ADCK5: variants seen among roughly 807,000 people sequenced by gnomAD.
ADCK5 encodes aarF domain containing kinase 5.
In ADCK5, 43 loss-of-function variants were observed where a neutral mutation model predicts 64.9. The observed-to-expected ratio is 0.66, with a 90% CI of 0.52 to 0.85. The LOEUF is 0.85. Among genes scored for constraint, ADCK5 ranks in the 40% least tolerant of loss-of-function variants. The probability of loss-of-function intolerance (pLI) is 0.00; values close to 1 mark genes in which losing one functional copy is unlikely to be tolerated. For synonymous variants in ADCK5, 434 were observed against 342.8 expected (o/e 1.27, Z -2.94); for missense variants, 760 against 810.5 (o/e 0.94, Z 0.76).
chr8:144,391,480 G>A lies in ADCK5; in HGVS notation c.798+6G>A, dbSNP rs1554860572. ...GCTTCAGCTGGGTCCTCCAGGTACA[G>A]CCCCACCCCTTCCCCGGCCAGCAGG... On this transcript the variant is annotated splice_donor_region_variant and intron_variant, in intron 7 of 14. Coordinates refer to ENST00000308860, the MANE Select transcript of ADCK5 (RefSeq NM_174922.5). The A allele has an allele frequency of 1.2e-6, 2 of 1,608,308 alleles. No homozygotes were observed. The highest frequency in any genetic ancestry group is 8.5e-7 in the Non-Finnish European group (1 of 1,178,422).
Position 144,391,156 on chromosome 8 carries a change from ACTTCCAGGCCCTCCCCCACGAGCT to A in ADCK5, c.575_598del (p.Ala192_Gln199del). The A allele has an allele frequency of 6.2e-7, 1 of 1,611,064 alleles. No individual in the cohort carries two copies. The highest frequency in any genetic ancestry group is 8.5e-7 in the Non-Finnish European group (1 of 1,179,866). ...CAGGTGGATGAGTTGTTCCTTGAGG[ACTTCCAGGCCCTCCCCCACGAGCT>A]CTTCCAGGAGTTTGACTACCAGCCA... On this transcript the variant is annotated inframe_deletion, in exon 6 of 15. Transcript: ENST00000308860.
chr8:144,382,394 G>T (rs1819715642), intron 2 of ADCK5, among the ~76,000 whole-genome samples: 1 of 152,240 alleles, frequency 6.6e-6, no homozygotes, highest in Non-Finnish European at 1.5e-5. Context: ...CATAGGTAGA[G>T]CTCCTGCTGT....
Sources: gnomAD v4.1 joint callset for allele counts (sites outside exome capture counted in the v4.1 genomes callset) on GRCh38, gnomAD v4.1.1 for gene constraint, MANE v1.5 for transcripts, NCBI Gene and HGNC (gene_info 2026-07-23, HGNC 2026-07-21) for gene names.